Variants in BLOC1S5 observed in about 807,000 individuals in gnomAD.
BLOC1S5 encodes biogenesis of lysosomal organelles complex 1 subunit 5.
In BLOC1S5, 27 loss-of-function variants were observed where a neutral mutation model predicts 24.3. The observed-to-expected ratio is 1.11, with a 90% confidence interval of 0.82 to 1.53. The LOEUF is 1.53. Ranked by LOEUF, BLOC1S5 falls within the 40% of genes most tolerant of loss-of-function variation. BLOC1S5 has a pLI of 0.00. For missense variants in BLOC1S5, 239 were observed against 229.4 expected (o/e 1.04, Z -0.27); for synonymous variants, 84 against 74.5 (o/e 1.13, Z -0.66).
chr6:8,020,433 T>C (rs1762879691), intron 4 of BLOC1S5, among the ~76,000 whole-genome samples: 1 of 152,264 alleles, frequency 6.6e-6, no homozygotes. Flanking sequence ...ACCCTTTTCT[T>C]TGGGGTAGGC....
intron 2 of BLOC1S5, among the ~76,000 whole-genome samples, chr6:8,061,115 C>T (rs947687365): frequency 1.3e-5 from 2 of 152,136 alleles, no homozygotes; most frequent in African/African-American, 2.4e-5. Flanking sequence ...TGAGCCACCT[C>T]GCCTGGCCTC....
chr6:8,046,082 G>A (rs926846585), intron 2 of BLOC1S5, among the ~76,000 whole-genome samples: 7 of 152,172 alleles, frequency 4.6e-5, no homozygotes, highest in South Asian at 4.1e-4. Context: ...GAACTCCCAC[G>A]TGTTGTGGGA....
intron 2 of BLOC1S5, among the ~76,000 whole-genome samples, chr6:8,056,731 A>C (rs1764323395): frequency 6.6e-6 from 1 of 152,202 alleles, no homozygotes; most frequent in African/African-American, 2.4e-5. Flanking sequence ...GGTGCTCCTG[A>C]AATTGTAGTC....
At chr6:8,033,956 A>G (rs371056534) in intron 3 of BLOC1S5, among the ~76,000 whole-genome samples, 2 of 152,192 alleles carry the variant, frequency 1.3e-5, no homozygotes, top group East Asian at 1.9e-4. Context: ...TTAGAATGGC[A>G]ATCATTAAAA....
intron 1 of BLOC1S5, among the ~76,000 whole-genome samples, chr6:8,063,126 A>T (rs1757324317): frequency 6.6e-6 from 1 of 152,194 alleles, no homozygotes; most frequent in Non-Finnish European, 1.5e-5. Flanking sequence ...AATATTCAAA[A>T]TATTTCCTTT....
In BLOC1S5 at chr6:8,064,264, C is replaced by A; in HGVS notation, c.112+1G>T. 1 of 1,612,502 alleles carries A rather than the reference C, an allele frequency of 6.2e-7. No homozygotes were observed. The highest frequency in any genetic ancestry group is 2.2e-5 in the East Asian group (1 of 44,824). ...GGAACTATAGCCCTGACACTCCGTA[C>A]CCTTGATAATGAGGTGCGCTGAGCC... On this transcript the variant is annotated splice_donor_variant, in intron 1 of 4. Transcript: ENST00000397457. LOFTEE classifies it high-confidence loss of function.
chr6:8,047,296 C>G (rs1311864281), intron 2 of BLOC1S5, among the ~76,000 whole-genome samples: 11 of 151,818 alleles, frequency 7.2e-5, no homozygotes, highest in Admixed American at 7.2e-4. Context: ...CAACCTCTGC[C>G]TCCCTGGCTC....
chr6:8,034,106 T>G (rs1257652724), intron 3 of BLOC1S5, among the ~76,000 whole-genome samples: 2 of 152,232 alleles, frequency 1.3e-5, no homozygotes, highest in Non-Finnish European at 2.9e-5. Context: ...AATTACCATT[T>G]GACCCAGCAA....
At chr6:8,038,641 T>C (rs2815138) in intron 3 of BLOC1S5, among the ~76,000 whole-genome samples, 69,708 of 152,032 alleles carry the variant, frequency 0.46, 16,635 homozygotes, top group East Asian at 0.81. Flanking sequence ...CCCGCCACCA[T>C]GCCTGGCTAC....
At chr6:8,025,086 A>G (rs1448863081) in intron 4 of BLOC1S5, among the ~76,000 whole-genome samples, 1 of 152,240 alleles carries the variant, frequency 6.6e-6, no homozygotes. Flanking sequence ...CTTGAATGCC[A>G]TTATCTTCCT....
chr6:8,040,127 C>T (rs1299048292), intron 3 of BLOC1S5, among the ~76,000 whole-genome samples: 1 of 152,094 alleles, frequency 6.6e-6, no homozygotes, highest in Non-Finnish European at 1.5e-5. Flanking sequence ...GAAGTAACAT[C>T]CTGAAGTGGA....
chr6:8,055,133 G>A (rs952059847), intron 2 of BLOC1S5, among the ~76,000 whole-genome samples: 4 of 152,266 alleles, frequency 2.6e-5, no homozygotes, highest in African/African-American at 7.2e-5. Context: ...CAGAGCTCAT[G>A]TTAAAATACT....
intron 4 of BLOC1S5, chr6:8,018,201 C>T (rs1310882291): frequency 6.6e-6 from 1 of 152,170 alleles, no homozygotes; most frequent in South Asian, 2.1e-4. Context: ...TTTAACTTTT[C>T]AGCCTTATAG....
At chr6:8,034,931 A>G (rs1413699033) in intron 3 of BLOC1S5, among the ~76,000 whole-genome samples, 26 of 151,900 alleles carry the variant, frequency 1.7e-4, no homozygotes, top group Admixed American at 1.7e-3. Flanking sequence ...AAAATGTGAT[A>G]TATACATATA....
intron 2 of BLOC1S5, among the ~76,000 whole-genome samples, chr6:8,057,403 T>C (rs529191992): frequency 4.6e-5 from 7 of 152,366 alleles, no homozygotes; most frequent in Admixed American, 2.6e-4. Context: ...AAGAATATAC[T>C]AACATTTGTT....
At chr6:8,059,702 G>A (rs1764449732) in intron 2 of BLOC1S5, among the ~76,000 whole-genome samples, 1 of 152,216 alleles carries the variant, frequency 6.6e-6, no homozygotes, top group Admixed American at 6.5e-5. Flanking sequence ...GACAGAAAAG[G>A]CATTTGAGCC....
Position 8,014,205 on chromosome 6 carries a change from A to G in BLOC1S5, c.*1444T>C, listed in dbSNP as rs1762665868. ...TCCATACCTCAAATTTGTTTACCATAAATCTCGAAATTATTGCATTTACTT... is the reference window on the plus strand; with the variant it reads ...TCCATACCTCAAATTTGTTTACCATGAATCTCGAAATTATTGCATTTACTT... On this transcript the variant is annotated 3_prime_UTR_variant, in exon 5 of 5. Transcript: ENST00000397457. The G allele has an allele frequency of 6.6e-6, 1 of 152,182 alleles. No homozygotes were observed. Among genetic ancestry groups the G allele is most frequent in the Admixed American group, 6.5e-5 (1 of 15,274 alleles). The allele number at this position is 152,182 out of a possible 1,614,324, so 9.4% of individuals were successfully genotyped here.
At chr6:8,032,114 T>C (rs570495405) in intron 3 of BLOC1S5, among the ~76,000 whole-genome samples, 14 of 151,930 alleles carry the variant, frequency 9.2e-5, no homozygotes, top group African/African-American at 2.9e-4. Flanking sequence ...CAAAGACAAA[T>C]AGATGGGACT....
chr6:8,044,250 C>T (rs1339408620), intron 2 of BLOC1S5, among the ~76,000 whole-genome samples: 3 of 145,562 alleles, frequency 2.1e-5, no homozygotes, highest in Non-Finnish European at 3.0e-5. Context: ...TGCCACTGCT[C>T]TCCAGCCTGG....
Sources: allele counts gnomAD v4.1 joint callset (sites outside exome capture counted in the v4.1 genomes callset), GRCh38; gene constraint gnomAD v4.1.1; transcripts MANE v1.5; gene names NCBI Gene and HGNC (gene_info 2026-07-23, HGNC 2026-07-21).